CMYA5: variants seen among roughly 807,000 people sequenced by gnomAD.
CMYA5 encodes cardiomyopathy associated 5, also known as cardiomyopathy-associated protein 5.
In CMYA5, 246 loss-of-function variants were observed where a neutral mutation model predicts 318.9. The observed-to-expected ratio is 0.77, with a 90% CI of 0.70 to 0.86. CMYA5 has a LOEUF of 0.86. Among genes scored for constraint, CMYA5 ranks in the 40% least tolerant of loss-of-function variants. The pLI, the probability that CMYA5 is intolerant of heterozygous loss-of-function variation, is 0.00. For synonymous variants in CMYA5, 1,641 were observed against 1,729.5 expected (o/e 0.95, Z 1.27); for missense variants, 4,589 against 4,678.2 (o/e 0.98, Z 0.56).
chr5:79,737,267 A>G lies in CMYA5; in HGVS notation c.8502A>G (p.Lys2834=). The G allele has an allele frequency of 6.2e-7, 1 of 1,613,856 alleles. No homozygotes were observed. Among genetic ancestry groups the G allele is most frequent in the Non-Finnish European group, 8.5e-7 (1 of 1,179,826 alleles). ...CAGAAATTAACGCAGTGAAGAAAAA[A>G]GAAATGCCACGATCAGAATTGACTC... is the stretch of plus-strand genomic sequence containing the variant. ...ASPEINAVKK[K]EMPRSELTPE... is the part of the protein sequence containing the mutation. The change falls in exon 2 of 13, where the codon AAA becomes AAG. Residue 2834 remains lysine, a synonymous_variant. Transcript: ENST00000446378.
chr5:79,748,899 C>T (rs1379900352), intron 5 of CMYA5, among the ~76,000 whole-genome samples: 1 of 152,120 alleles, frequency 6.6e-6, no homozygotes, highest in African/African-American at 2.4e-5. Context: ...CTATACTGGA[C>T]AGTGTAGATG....
Position 79,689,911 on chromosome 5 carries a change from G to T in CMYA5, c.4G>T (p.Ala2Ser). The T allele has an allele frequency of 1.2e-6, 1 of 823,148 alleles. No individual in the cohort carries two copies. Among genetic ancestry groups the T allele is most frequent in the Non-Finnish European group, 2.0e-6 (1 of 490,922 alleles). 51.0% of individuals were successfully genotyped at this position (823,148 alleles called of 1,614,324 possible). The change falls in exon 1 of 13, where the codon GCG becomes TCG. Residue 2 changes from alanine (A) to serine (S), a missense_variant. Ala to Ser is a moderately conservative substitution (Grantham distance 99). Coordinates refer to ENST00000446378, the MANE Select transcript of CMYA5 (RefSeq NM_153610.5). Reference protein sequence around the residue: MASRDSNHAGES... With the variant: MSSRDSNHAGES... ...CGGCCCAGGCCCGGGAGAGGCGATGGCGAGCCGCGATAGCAACCACGCTGG... is the reference window on the plus strand; with the variant it reads ...CGGCCCAGGCCCGGGAGAGGCGATGTCGAGCCGCGATAGCAACCACGCTGG...
chr5:79,761,097 A>G (rs1353602083), intron 7 of CMYA5, among the ~76,000 whole-genome samples: 1 of 152,248 alleles, frequency 6.6e-6, no homozygotes, highest in Non-Finnish European at 1.5e-5. Flanking sequence ...AATTTCAGTG[A>G]GAATAATCAA....
chr5:79,734,111 C>T lies in CMYA5; in HGVS notation c.5346C>T (p.Val1782=), dbSNP rs1827990302. The T allele has an allele frequency of 1.2e-6, 2 of 1,613,678 alleles. No homozygotes were observed. The change falls in exon 2 of 13, where the codon GTC becomes GTT. Residue 1782 remains valine (V), a synonymous_variant. Coordinates refer to ENST00000446378, the MANE Select transcript of CMYA5 (RefSeq NM_153610.5). The part of the protein sequence containing the change: ...LPPTGNLKAQ[V]MGDILDKLSE... ...CAACTGGAAATTTGAAGGCACAAGT[C>T]ATGGGAGATATTTTAGATAAGCTAA...
chr5:79,703,654 T>C (rs1580747189), intron 1 of CMYA5, among the ~76,000 whole-genome samples: 1 of 152,346 alleles, frequency 6.6e-6, no homozygotes, highest in Non-Finnish European at 1.5e-5. Context: ...TAGTGTCAGA[T>C]TGTCTTCTCT....
chr5:79,751,178 G>A (rs909224033), intron 5 of CMYA5, among the ~76,000 whole-genome samples: 1 of 151,994 alleles, frequency 6.6e-6, no homozygotes, highest in Non-Finnish European at 1.5e-5. Context: ...CAATTTTGTG[G>A]CTCTCCCTGC....
chr5:79,750,157 G>C (rs1230066051), intron 5 of CMYA5, among the ~76,000 whole-genome samples: 1 of 152,098 alleles, frequency 6.6e-6, no homozygotes, highest in African/African-American at 2.4e-5. Flanking sequence ...TGAATTGTTT[G>C]ATCTTTTCAG....
At chr5:79,757,194 CAAA>C (rs35929144) in intron 6 of CMYA5, among the ~76,000 whole-genome samples, 4 of 84,474 alleles carry the variant, frequency 4.7e-5, no homozygotes, top group African/African-American at 4.1e-5. Flanking sequence ...GACTCCATCT[CAAA>C]AAAAAAAAAA....
chr5:79,735,973 A>T lies in CMYA5; in HGVS notation c.7208A>T (p.Glu2403Val). The T allele has an allele frequency of 2.5e-6, 4 of 1,613,260 alleles. No homozygotes were observed. Among genetic ancestry groups the T allele is most frequent in the Non-Finnish European group, 3.4e-6 (4 of 1,179,672 alleles). The change falls in exon 2 of 13, where the codon GAA (glutamate) becomes GTA (valine). Residue 2403 changes from glutamate to valine, a missense_variant. By Grantham distance (121) the Glu-to-Val change is moderately radical. Around this residue, in one of 3 missense-constraint regions of CMYA5, gnomAD observed 2,431 missense variants for 2,495.1 expected, o/e 0.97. Coordinates refer to ENST00000446378, the MANE Select transcript of CMYA5 (RefSeq NM_153610.5). ...TTTGCAAGTAAAAATATCACAAAGG[A>T]ATCAGAGAAACCAGAGTCAATTATT... ...SNFASKNITKESEKPESIILP... is the reference protein window; with the variant it reads ...SNFASKNITKVSEKPESIILP...
At chr5:79,759,004 T>G in intron 7 of CMYA5, 102 bp downstream of exon 7, 1 of 979,666 alleles carries the variant, frequency 1.0e-6, no homozygotes, top group Non-Finnish European at 1.4e-6. Context: ...CACAAAGCAT[T>G]TATAGCCATT....
chr5:79,726,932 T>TTTTTTTTTTA (rs1827760242), intron 1 of CMYA5, among the ~76,000 whole-genome samples: 1 of 146,280 alleles, frequency 6.8e-6, no homozygotes, highest in South Asian at 2.2e-4. Context: ...TTTTTTTTTT[T>TTTTTTTTTTA]GAGACGGAGT....
In CMYA5 at chr5:79,734,012, A is replaced by G. The variant is rs758358592; in HGVS notation, c.5247A>G (p.Lys1749=). 7 of 1,613,636 alleles carry G rather than the reference A, an allele frequency of 4.3e-6. No individual in the cohort carries two copies. In the African/African-American group the frequency reaches 5.3e-5, roughly 12 times the overall value. The change falls in exon 2 of 13, where the codon AAA becomes AAG. Residue 1749 remains lysine (K), a synonymous_variant. Transcript: ENST00000446378. ...EEFQPFTFSL[K]GLSEEVSHPA... Reference sequence around the variant, plus strand: ...TTCAGCCATTTACTTTTTCTTTAAAAGGATTATCAGAGGAGGTTAGCCATC... The same window carrying G: ...TTCAGCCATTTACTTTTTCTTTAAAGGGATTATCAGAGGAGGTTAGCCATC...
At position 79,737,253 on chromosome 5, in the gene CMYA5, G is replaced by A. The variant is rs202153279; in HGVS notation, c.8488G>A (p.Ala2830Thr). Residue 2830 changes from alanine (A) to threonine (T), a missense_variant, in exon 2 of 13, where the codon GCA (alanine) becomes ACA (threonine). Ala to Thr is a moderately conservative substitution (Grantham distance 58). Transcript: ENST00000446378. ...LASGASPEIN[A>T]VKKKEMPRSE... ...TTCAGGAGCTTCTCCAGAAATTAAC[G>A]CAGTGAAGAAAAAAGAAATGCCACG... The A allele has an allele frequency of 3.5e-5, 57 of 1,613,556 alleles. No homozygotes were observed. The highest frequency in any genetic ancestry group is 1.5e-4 in the Admixed American group (9 of 59,932).
intron 9 of CMYA5, among the ~76,000 whole-genome samples, chr5:79,778,952 G>T: frequency 9.0e-5 from 9 of 100,268 alleles, no homozygotes; most frequent in East Asian, 3.0e-4. Flanking sequence ...TAGGGTACAT[G>T]TGCACATTGT....
In CMYA5 at chr5:79,730,114, G is replaced by A. The variant is rs189794164; in HGVS notation, c.1349G>A (p.Gly450Asp). ...GGTCTGGCAGCATCTACCCAGGATG[G>A]TTTGGACCCAGACCAAGAACAGCCG... ...SPGLAASTQD[G>D]LDPDQEQPDL... The change falls in exon 2 of 13, where the codon GGT (glycine) becomes GAT (aspartate). Residue 450 changes from glycine to aspartate, a missense_variant. Gly to Asp is a moderately conservative substitution (Grantham distance 94). Transcript: ENST00000446378. 7.9e-5 allele frequency: 127 copies of A among 1,613,782 alleles called. No individual in the cohort carries two copies. In the East Asian group the frequency reaches 9.6e-4, roughly 12 times the overall value.
intron 1 of CMYA5, among the ~76,000 whole-genome samples, chr5:79,712,155 C>T (rs541475390): frequency 6.6e-6 from 1 of 152,290 alleles, no homozygotes; most frequent in East Asian, 1.9e-4. Flanking sequence ...TCACCTATCC[C>T]TGTTCATCCC....
chr5:79,790,100 C>G (rs116173209), intron 10 of CMYA5, among the ~76,000 whole-genome samples: 3 of 152,160 alleles, frequency 2.0e-5, no homozygotes, highest in Non-Finnish European at 2.9e-5. Flanking sequence ...ATCGGCTTAC[C>G]CAGAAACATC....
In CMYA5 at chr5:79,733,795, G is replaced by A. The variant is rs758771579; in HGVS notation, c.5030G>A (p.Arg1677Lys). 1.9e-6 allele frequency: 3 copies of A among 1,613,686 alleles called. No homozygotes were observed. The Admixed American group carries it at 5.0e-5, about 27-fold the overall frequency. The change falls in exon 2 of 13, where the codon AGG becomes AAG. Residue 1677 changes from arginine to lysine, a missense_variant. Arg to Lys is a conservative substitution (Grantham distance 26, BLOSUM62 2). This residue lies in a region of CMYA5 where 2,132 missense variants were observed against 2,131.3 expected (regional missense o/e 1.00). Coordinates refer to ENST00000446378, the MANE Select transcript of CMYA5 (RefSeq NM_153610.5). Reference sequence around the variant, plus strand: ...TTAGAAAAAGGCCCAGCTGAGCTTAGGAGCAGAGAAGGAAAAGAAGAAAAT... The same window carrying A: ...TTAGAAAAAGGCCCAGCTGAGCTTAAGAGCAGAGAAGGAAAAGAAGAAAAT... ...SVLEKGPAELRSREGKEENRE... is the reference protein window; with the variant it reads ...SVLEKGPAELKSREGKEENRE...
Position 79,690,038 on chromosome 5 carries a change from A to C in CMYA5, c.131A>C (p.Glu44Ala). ...GEEDETAAES[E>A]EEPDSRLSDQ... ...GAGGACGAGACGGCGGCGGAGTCGG[A>C]GGAGGAGCCGGACTCCAGGTAGCGC... Residue 44 changes from glutamate to alanine, a missense_variant, in exon 1 of 13, where the codon GAG (glutamate) becomes GCG (alanine). Glu to Ala is a moderately radical substitution (Grantham distance 107, BLOSUM62 -1). Coordinates refer to ENST00000446378, the MANE Select transcript of CMYA5 (RefSeq NM_153610.5). 3 of 1,463,128 alleles carry C rather than the reference A, an allele frequency of 2.1e-6. No individual in the cohort carries two copies. The highest frequency in any genetic ancestry group is 2.7e-6 in the Non-Finnish European group (3 of 1,103,180). The allele number at this position is 1,463,128 out of a possible 1,614,324, so 90.6% of individuals were successfully genotyped here.
Sources: allele counts gnomAD v4.1 joint callset (sites outside exome capture counted in the v4.1 genomes callset), GRCh38; gene constraint gnomAD v4.1.1; regional missense constraint gnomAD v4.1.1; transcripts MANE v1.5; gene names NCBI Gene and HGNC (gene_info 2026-07-23, HGNC 2026-07-21).